The following PRKN variants were observed in gnomAD, a reference collection of about 807,000 sequenced individuals.
PRKN encodes E3 ubiquitin-protein ligase parkin.
PRKN carries 56 observed loss-of-function variants against 59.5 expected under a neutral mutation model. That is an observed-to-expected ratio of 0.94 (90% confidence interval 0.76 to 1.18). The LOEUF is 1.18. PRKN is among the 50% of genes most tolerant of loss of function. The pLI, the probability that PRKN is intolerant of heterozygous loss-of-function variation, is 0.00. For synonymous variants in PRKN, 250 were observed against 222.1 expected, an observed-to-expected ratio of 1.13 and a Z score of -1.12; for missense variants, 657 against 596.4, an observed-to-expected ratio of 1.10 and a Z score of -1.06.
At chr6:161,568,373 C>T (rs1780731956) in intron 8 of PRKN, among the ~76,000 whole-genome samples, 1 of 152,178 alleles carries the variant, frequency 6.6e-6, no homozygotes, top group Admixed American at 6.6e-5. Flanking sequence ...GCAGGCGGAT[C>T]ATGACGTCAG....
intron 1 of PRKN, among the ~76,000 whole-genome samples, chr6:162,516,822 C>G (rs1407734317): frequency 6.6e-6 from 1 of 151,778 alleles, no homozygotes; most frequent in Non-Finnish European, 1.5e-5. Context: ...TTGAAACATT[C>G]CTCACTTGCA....
chr6:162,062,146 T>C (rs148057990), intron 4 of PRKN, among the ~76,000 whole-genome samples: 2 of 152,318 alleles, frequency 1.3e-5, no homozygotes, highest in East Asian at 3.9e-4. Flanking sequence ...ATAGCAAATG[T>C]AAACTGGAGG....
At chr6:162,638,982 G>A (rs1583960273) in intron 1 of PRKN, among the ~76,000 whole-genome samples, 1 of 151,912 alleles carries the variant, frequency 6.6e-6, no homozygotes, top group East Asian at 1.9e-4. Context: ...CTGACCTCAG[G>A]CGATCCACCC....
intron 2 of PRKN, among the ~76,000 whole-genome samples, chr6:162,345,138 G>A (rs1784343125): frequency 6.6e-6 from 1 of 152,142 alleles, no homozygotes; most frequent in Non-Finnish European, 1.5e-5. Context: ...GACCACGCCT[G>A]GAATAACTCC....
chr6:161,350,670 T>C (rs1784499609), intron 11 of PRKN, among the ~76,000 whole-genome samples: 1 of 78,616 alleles, frequency 1.3e-5, no homozygotes, highest in Non-Finnish European at 2.1e-5. Context: ...TATATTTATA[T>C]TTAAAATATA....
chr6:162,229,262 C>T (rs1234094958), intron 3 of PRKN, among the ~76,000 whole-genome samples: 1 of 152,140 alleles, frequency 6.6e-6, no homozygotes, highest in East Asian at 1.9e-4. Flanking sequence ...CCCCCAGTCA[C>T]CCAGGTGTTC....
In PRKN at chr6:161,395,274, C is replaced by T. The variant is rs1357426128; in HGVS notation, c.1084-8397G>A. 6.6e-6 allele frequency among the ~76,000 whole-genome samples: 1 copy of T among 152,266 alleles called. No homozygotes were observed. Among genetic ancestry groups the T allele is most frequent in the African/African-American group, 2.4e-5 (1 of 41,528 alleles). ...TTGGTTTTTCGTTTAATGCATGCTACAGATGGCTGTCTATTAGCACACGGA... is the reference window on the plus strand; with the variant it reads ...TTGGTTTTTCGTTTAATGCATGCTATAGATGGCTGTCTATTAGCACACGGA... On this transcript the variant is annotated intron_variant, in intron 9 of 11. Transcript: ENST00000366898. This position sits in a 1 kb window ranked among gnomAD's most constrained non-coding sequence, Gnocchi z 5.0.
intron 1 of PRKN, among the ~76,000 whole-genome samples, chr6:162,589,886 T>A (rs13219230): frequency 6.6e-6 from 1 of 152,190 alleles, no homozygotes; most frequent in Non-Finnish European, 1.5e-5. Flanking sequence ...GACATTTGTA[T>A]CTCCAACAGC....
intron 2 of PRKN, chr6:162,271,347 G>C (rs1780382908): frequency 6.6e-6 from 1 of 151,988 alleles, no homozygotes; most frequent in African/African-American, 2.4e-5. Flanking sequence ...AGACCAGCCT[G>C]GCCAATGTAG....
chr6:162,189,776 C>A (rs1379970186), intron 4 of PRKN, among the ~76,000 whole-genome samples: 1 of 151,924 alleles, frequency 6.6e-6, no homozygotes, highest in South Asian at 2.1e-4. Flanking sequence ...TTTATACTGA[C>A]CTTTACCTAA....
At chr6:161,694,485 C>A (rs911005456) in intron 7 of PRKN, among the ~76,000 whole-genome samples, 1 of 152,024 alleles carries the variant, frequency 6.6e-6, no homozygotes, top group Non-Finnish European at 1.5e-5. Context: ...TAACCCTACC[C>A]CTCTTTATTT....
At chr6:161,684,531 A>G (rs547876421) in intron 7 of PRKN, among the ~76,000 whole-genome samples, 1 of 152,306 alleles carries the variant, frequency 6.6e-6, no homozygotes, top group South Asian at 2.1e-4. Context: ...CGTTATATCT[A>G]AAGCTTTGTA....
chr6:162,430,743 T>A (rs760524232), intron 2 of PRKN, among the ~76,000 whole-genome samples: 1 of 152,144 alleles, frequency 6.6e-6, no homozygotes, highest in African/African-American at 2.4e-5. Context: ...TCAGGCCACT[T>A]TGAGAATCTA....
chr6:161,467,648 T>C lies in PRKN; in HGVS notation c.1084-80771A>G, dbSNP rs1790547978. Among the ~76,000 whole-genome samples, 1 of 152,168 alleles carries C rather than the reference T, an allele frequency of 6.6e-6. No homozygotes were observed. The highest frequency in any genetic ancestry group is 2.1e-4 in the South Asian group (1 of 4,824). ...GAGATGATGACGCTTGAGAGGAGTC[T>C]CAAAGGATGTGCAGGAGCGACAGAG... On this transcript the variant is annotated intron_variant, in intron 9 of 11. Coordinates refer to ENST00000366898, the MANE Select transcript of PRKN (RefSeq NM_004562.3). The surrounding 1 kb of genome is among the most constrained non-coding windows in gnomAD (Gnocchi z 4.3).
At chr6:161,642,308 T>C (rs1396113242) in intron 7 of PRKN, among the ~76,000 whole-genome samples, 1 of 152,228 alleles carries the variant, frequency 6.6e-6, no homozygotes, top group Non-Finnish European at 1.5e-5. Flanking sequence ...TGATAAAGTG[T>C]ACCTTTAACT....
At chr6:162,268,967 G>T (rs1780253200) in intron 2 of PRKN, among the ~76,000 whole-genome samples, 1 of 151,874 alleles carries the variant, frequency 6.6e-6, no homozygotes, top group Non-Finnish European at 1.5e-5. Context: ...GCAAAGTAAA[G>T]ATTAGTCCAG....
chr6:162,183,958 G>C lies in PRKN; in HGVS notation c.534+17173C>G, dbSNP rs112017154. On this transcript the variant is annotated intron_variant, in intron 4 of 11. Transcript: ENST00000366898. Reference sequence around the variant, plus strand: ...GTGCTATCTAAGAGAATTTTCTGTTGACAGGAATGCTCTAAACTACAATGA... The same window carrying C: ...GTGCTATCTAAGAGAATTTTCTGTTCACAGGAATGCTCTAAACTACAATGA... 5.9e-5 allele frequency among the ~76,000 whole-genome samples: 9 copies of C among 152,302 alleles called. 1 individual carries two copies. The highest frequency in any genetic ancestry group is 1.9e-4 in the African/African-American group (8 of 41,574).
Position 161,581,438 on chromosome 6 carries a change from A to C in PRKN, c.872-12022T>G, listed in dbSNP as rs1210418947. Among the ~76,000 whole-genome samples, 1 of 152,202 alleles carries C rather than the reference A, an allele frequency of 6.6e-6. No individual in the cohort carries two copies. The highest frequency in any genetic ancestry group is 6.5e-5 in the Admixed American group (1 of 15,280). ...ATTAACTACCATGCCCAATAAGTACATAAGCAAAAGGAGTTTTTTTGAGAA... is the reference window on the plus strand; with the variant it reads ...ATTAACTACCATGCCCAATAAGTACCTAAGCAAAAGGAGTTTTTTTGAGAA... On this transcript the variant is annotated intron_variant, in intron 7 of 11. Coordinates refer to ENST00000366898, the MANE Select transcript of PRKN (RefSeq NM_004562.3). The surrounding 1 kb of genome is among the most constrained non-coding windows in gnomAD (Gnocchi z 4.5).
intron 6 of PRKN, among the ~76,000 whole-genome samples, chr6:161,964,478 A>G (rs1279496460): frequency 1.3e-5 from 2 of 152,008 alleles, no homozygotes; most frequent in African/African-American, 2.4e-5. Context: ...ATTTACTCCT[A>G]TGGGGCCTGG....
Sources: gnomAD v4.1 joint callset for allele counts (sites outside exome capture counted in the v4.1 genomes callset) on GRCh38, gnomAD v4.1.1 for gene constraint, Gnocchi (gnomAD v3.1) non-coding constraint, MANE v1.5 for transcripts, NCBI Gene and HGNC (gene_info 2026-07-23, HGNC 2026-07-21) for gene names.